Variants in PCGF5 observed in about 807,000 individuals in gnomAD.
The protein encoded by PCGF5 is polycomb group RING finger protein 5.
In PCGF5, 9 loss-of-function variants were observed where a neutral mutation model predicts 44.3. The ratio of observed to expected loss-of-function variants is 0.20; its 90% CI spans 0.12 to 0.35. The LOEUF is 0.35. PCGF5 is among the 10% of genes least tolerant of loss of function. The pLI is 1.00. For synonymous variants in PCGF5, 95 were observed against 102.5 expected, an observed-to-expected ratio of 0.93 and a Z score of 0.44; for missense variants, 146 against 305.3, an observed-to-expected ratio of 0.48 and a Z score of 3.89.
At chr10:91,272,776 C>A (rs1846210968) in intron 9 of PCGF5, among the ~76,000 whole-genome samples, 1 of 152,030 alleles carries the variant, frequency 6.6e-6, no homozygotes, top group African/African-American at 2.4e-5. Flanking sequence ...CTGTTTCAGA[C>A]AAACAAATAA....
intron 5 of PCGF5, among the ~76,000 whole-genome samples, chr10:91,250,804 G>A (rs933294208): frequency 2.4e-4 from 36 of 150,686 alleles, no homozygotes; most frequent in East Asian, 1.8e-3. Context: ...CATTATACTC[G>A]TTTTTTTTCA....
chr10:91,272,448 C>T (rs972869063), intron 9 of PCGF5, among the ~76,000 whole-genome samples: 3 of 151,712 alleles, frequency 2.0e-5, no homozygotes, highest in Admixed American at 2.0e-4. Flanking sequence ...AGTTTGAGAC[C>T]AGTCTGGGCA....
At position 91,278,476 on chromosome 10, in the gene PCGF5, T is replaced by C. The variant is rs982656534; in HGVS notation, c.*160T>C. 6.0e-6 allele frequency: 4 copies of C among 669,352 alleles called. No homozygotes were observed. The highest frequency in any genetic ancestry group is 2.7e-5 in the East Asian group (1 of 36,504). 41.5% of individuals were successfully genotyped at this position (669,352 alleles called of 1,614,324 possible). ...TCTAAATTGTCAGTTGCATTCATGT[T>C]GTTTCTATTAGGAGCAAACCAAGTG... On this transcript the variant is annotated 3_prime_UTR_variant, in exon 10 of 10. Coordinates refer to ENST00000336126, the MANE Select transcript of PCGF5 (RefSeq NM_032373.5).
At chr10:91,163,354 C>G (rs1006969258) in intron 1 of PCGF5, among the ~76,000 whole-genome samples, 4 of 151,662 alleles carry the variant, frequency 2.6e-5, no homozygotes, top group Non-Finnish European at 5.9e-5. Flanking sequence ...GGGAGGGCCC[C>G]GAGGAACTTT....
rs544042320 is a variant in PCGF5 at position 91,281,274 on chromosome 10, T to A, written c.*2958T>A. The A allele has an allele frequency of 2.0e-5, 3 of 152,472 alleles. No individual in the cohort carries two copies. The highest frequency in any genetic ancestry group is 4.4e-5 in the Non-Finnish European group (3 of 67,944). The allele number at this position is 152,472 out of a possible 1,614,324, so 9.4% of individuals were successfully genotyped here. A position where few individuals can be genotyped will look rare whatever the true frequency, so the allele number is the denominator to read the frequency against. ...CTCTTAGAGGAGTATATTATTTCTTTATACATTAAACATCTATCCCATAGT... is the reference window on the plus strand; with the variant it reads ...CTCTTAGAGGAGTATATTATTTCTTAATACATTAAACATCTATCCCATAGT... On this transcript the variant is annotated 3_prime_UTR_variant, in exon 10 of 10. Transcript: ENST00000336126.
intron 1 of PCGF5, among the ~76,000 whole-genome samples, chr10:91,177,343 C>T (rs1221939743): frequency 6.6e-6 from 1 of 152,228 alleles, no homozygotes; most frequent in African/African-American, 2.4e-5. Flanking sequence ...AGTTAGGCTA[C>T]TCGGGGGTCA....
At chr10:91,192,765 G>A (rs1844056408) in intron 1 of PCGF5, among the ~76,000 whole-genome samples, 1 of 152,146 alleles carries the variant, frequency 6.6e-6, no homozygotes, top group Admixed American at 6.5e-5. Flanking sequence ...AGCACAGAAA[G>A]GAGAAATCAA....
At chr10:91,172,294 C>A (rs1843622834) in intron 1 of PCGF5, among the ~76,000 whole-genome samples, 1 of 152,166 alleles carries the variant, frequency 6.6e-6, no homozygotes, top group Non-Finnish European at 1.5e-5. Flanking sequence ...TGGCATGTGC[C>A]TGTAATCTCA....
At chr10:91,158,064 T>C (rs1589340037), upstream of PCGF5, among the ~76,000 whole-genome samples, 1 of 152,158 alleles carries the variant, frequency 6.6e-6, no homozygotes, top group African/African-American at 2.4e-5. Context: ...TTTTAAGAAA[T>C]GACTTAGGCA....
intron 9 of PCGF5, among the ~76,000 whole-genome samples, chr10:91,271,916 G>C (rs1312824678): frequency 6.6e-6 from 1 of 152,070 alleles, no homozygotes; most frequent in African/African-American, 2.4e-5. Flanking sequence ...AAATGTTAAG[G>C]CTATTACTTA....
intron 1 of PCGF5, among the ~76,000 whole-genome samples, chr10:91,171,352 G>C (rs1403385167): frequency 6.6e-6 from 1 of 152,172 alleles, no homozygotes; most frequent in African/African-American, 2.4e-5. Flanking sequence ...AGTAAGTGGA[G>C]AGTAAAGTGT....
At chr10:91,251,573 T>A in intron 6 of PCGF5, 133 bp downstream of exon 6, 1 of 885,036 alleles carries the variant, frequency 1.1e-6, no homozygotes, top group Non-Finnish European at 1.7e-6. Context: ...TAAAATGCCA[T>A]TCTTTGACAA....
At chr10:91,277,711 CTTT>C (rs1846351529) in intron 9 of PCGF5, among the ~76,000 whole-genome samples, 1 of 152,174 alleles carries the variant, frequency 6.6e-6, no homozygotes, top group Admixed American at 6.5e-5. Context: ...CAATCAGCTA[CTTT>C]TTCAATATTT....
chr10:91,184,293 T>G (rs1002508972), intron 1 of PCGF5, among the ~76,000 whole-genome samples: 1 of 152,202 alleles, frequency 6.6e-6, no homozygotes, highest in Non-Finnish European at 1.5e-5. Context: ...TCTCTGCCTG[T>G]CTTATTTCAG....
intron 2 of PCGF5, among the ~76,000 whole-genome samples, chr10:91,232,716 G>A (rs548008649): frequency 1.3e-5 from 2 of 152,234 alleles, no homozygotes; most frequent in South Asian, 2.1e-4. Flanking sequence ...GAATAGGTGT[G>A]GTGGTAAAAG....
chr10:91,223,695 T>C (rs748688366), intron 2 of PCGF5, among the ~76,000 whole-genome samples: 11 of 152,198 alleles, frequency 7.2e-5, no homozygotes, highest in Admixed American at 2.0e-4. Flanking sequence ...TGAAAGTAAT[T>C]CCAGTAAGTT....
At chr10:91,270,840 ATTTTATG>A (rs1296404101) in intron 8 of PCGF5, among the ~76,000 whole-genome samples, 21 of 152,158 alleles carry the variant, frequency 1.4e-4, no homozygotes, top group Admixed American at 9.2e-4. Context: ...TAAAGTATAC[ATTTTATG>A]TTTTGTAGTC....
upstream of PCGF5, among the ~76,000 whole-genome samples, chr10:91,217,944 G>A (rs1450287003): frequency 6.6e-6 from 1 of 152,136 alleles, no homozygotes; most frequent in African/African-American, 2.4e-5. Context: ...CTGCCACCAA[G>A]CCTGGCTAAT....
At position 91,282,638 on chromosome 10, in the gene PCGF5, A is replaced by G. The variant is rs1440464979; in HGVS notation, c.*4322A>G. The G allele has an allele frequency of 6.6e-6, 1 of 152,552 alleles. No homozygotes were observed. The highest frequency in any genetic ancestry group is 2.4e-5 in the African/African-American group (1 of 41,432). 9.4% of individuals were successfully genotyped at this position (152,552 alleles called of 1,614,324 possible). On this transcript the variant is annotated 3_prime_UTR_variant, in exon 10 of 10. Transcript: ENST00000336126. ...CCCCTTGTACCATTTCTCCTTGGGA[A>G]CTCATGCTATGGGCTACCTTAAAGG... is the stretch of plus-strand genomic sequence containing the variant.
Sources: gnomAD v4.1 joint callset for allele counts (sites outside exome capture counted in the v4.1 genomes callset) on GRCh38, gnomAD v4.1.1 for gene constraint, MANE v1.5 for transcripts, NCBI Gene and HGNC (gene_info 2026-07-23, HGNC 2026-07-21) for gene names.